The following MGAT5 variants were observed in gnomAD, a reference collection of about 807,000 sequenced individuals.
The protein encoded by MGAT5 is alpha-1,6-mannosylglycoprotein 6-beta-N-acetylglucosaminyltransferase A.
Under a neutral mutation model 94.3 loss-of-function variants are expected in MGAT5, and 30 were observed. The ratio of observed to expected loss-of-function variants is 0.32; its 90% CI spans 0.24 to 0.43. The LOEUF (loss-of-function observed/expected upper bound fraction) is 0.43. Ranked by LOEUF, MGAT5 falls within the 20% of genes least tolerant of loss-of-function variation. The probability of loss-of-function intolerance (pLI) is 1.00; values close to 1 mark genes in which losing one functional copy is unlikely to be tolerated. For synonymous variants in MGAT5, 310 were observed against 322.9 expected, an observed-to-expected ratio of 0.96 and a Z score of 0.43; for missense variants, 691 against 905.5, an observed-to-expected ratio of 0.76 and a Z score of 3.04.
At chr2:134,340,782 G>A (rs886908153) in intron 6 of MGAT5, among the ~76,000 whole-genome samples, 8 of 152,108 alleles carry the variant, frequency 5.3e-5, no homozygotes, top group African/African-American at 1.9e-4. Flanking sequence ...TCTAGCTAGT[G>A]ACCATCCAGG....
intron 1 of MGAT5, among the ~76,000 whole-genome samples, chr2:134,131,188 G>A (rs889247576): frequency 3.7e-4 from 56 of 152,174 alleles, no homozygotes; most frequent in South Asian, 2.1e-3. Flanking sequence ...AAGAGACTCC[G>A]AACATGTCCG....
intron 1 of MGAT5, among the ~76,000 whole-genome samples, chr2:134,243,734 C>G (rs1682088657): frequency 6.6e-6 from 1 of 152,150 alleles, no homozygotes; most frequent in African/African-American, 2.4e-5. Flanking sequence ...TTAGCTAGTT[C>G]ATTTTTTTAA....
At chr2:134,149,290 C>T (rs535040167) in intron 1 of MGAT5, among the ~76,000 whole-genome samples, 1 of 152,262 alleles carries the variant, frequency 6.6e-6, no homozygotes, top group East Asian at 1.9e-4. Context: ...GTGCAATGTA[C>T]AAGATCAGTG....
At chr2:134,428,606 A>G (rs1302257704) in intron 14 of MGAT5, among the ~76,000 whole-genome samples, 167 bp downstream of exon 14, 1 of 152,156 alleles carries the variant, frequency 6.6e-6, no homozygotes, top group Non-Finnish European at 1.5e-5. Flanking sequence ...ACCCAAGAGA[A>G]CCAGTATTCC....
chr2:134,147,246 GT>G, intron 1 of MGAT5, among the ~76,000 whole-genome samples: 1 of 152,326 alleles, frequency 6.6e-6, no homozygotes, highest in East Asian at 1.9e-4. Context: ...ACCCAGTGCT[GT>G]AACGGAAGTC....
At chr2:134,342,231 G>C (rs1293943346) in intron 7 of MGAT5, among the ~76,000 whole-genome samples, 1 of 152,130 alleles carries the variant, frequency 6.6e-6, no homozygotes, top group Admixed American at 6.5e-5. Flanking sequence ...TTTCAGCTGA[G>C]TCTGTTAACT....
Position 134,362,415 on chromosome 2 carries a change from C to G in MGAT5, c.1380+7C>G. ...AGTGGATAGCTTCTGGAAGGTGAGT[C>G]AGTCTGTGCGTGTCTCTCTCTCTGA... On this transcript the variant is annotated splice_region_variant and intron_variant, in intron 10 of 15. Coordinates refer to ENST00000281923, the MANE Select transcript of MGAT5 (RefSeq NM_002410.5). The G allele has an allele frequency of 1.2e-6, 2 of 1,613,694 alleles. No individual in the cohort carries two copies. The highest frequency in any genetic ancestry group is 1.7e-6 in the Non-Finnish European group (2 of 1,179,768).
chr2:134,384,576 A>C (rs891728404), intron 10 of MGAT5, among the ~76,000 whole-genome samples: 1 of 152,254 alleles, frequency 6.6e-6, no homozygotes, highest in African/African-American at 2.4e-5. Flanking sequence ...TTACAATTAC[A>C]CATTTAACTT....
intron 1 of MGAT5, among the ~76,000 whole-genome samples, chr2:134,224,375 A>G (rs896361397): frequency 2.0e-5 from 3 of 152,200 alleles, no homozygotes; most frequent in African/African-American, 4.8e-5. Context: ...ACAGGGAGGG[A>G]GCTTCCTTTT....
At chr2:134,170,029 C>T (rs1234477069) in intron 1 of MGAT5, among the ~76,000 whole-genome samples, 2 of 152,150 alleles carry the variant, frequency 1.3e-5, no homozygotes, top group African/African-American at 2.4e-5. Flanking sequence ...GGACAGTACT[C>T]ATAAGGAAAA....
chr2:134,285,382 A>C lies in MGAT5; in HGVS notation c.406+14832A>C, dbSNP rs188234444. Among the ~76,000 whole-genome samples the C allele has an allele frequency of 1.2e-3, 181 of 152,216 alleles. 2 individuals are homozygous for C. The highest frequency in any genetic ancestry group is 4.1e-3 in the East Asian group (21 of 5,178). On this transcript the variant is annotated intron_variant, in intron 2 of 15. Coordinates refer to ENST00000281923, the MANE Select transcript of MGAT5 (RefSeq NM_002410.5). The stretch of plus-strand genomic sequence containing the variant: ...TTTATTTTTAAATAACTACATAATA[A>C]CTAGGTTCTCAATTTTTGTTTTTCC...
At position 134,151,682 on chromosome 2, in the gene MGAT5, T is replaced by C. The variant is rs1254566334; in HGVS notation, c.-143+31391T>C. Among the ~76,000 whole-genome samples the C allele has an allele frequency of 6.8e-4, 45 of 66,596 alleles. 1 individual carries two copies. Among genetic ancestry groups the C allele is most frequent in the Admixed American group, 1.2e-3 (8 of 6,566 alleles). The allele number at this position is 66,596 out of a possible 152,430, so 43.7% of individuals were successfully genotyped here. A position where few individuals can be genotyped will look rare whatever the true frequency, so the allele number is the denominator to read the frequency against. On this transcript the variant is annotated intron_variant, in intron 1 of 16. Transcript: ENST00000409645. Reference sequence around the variant, plus strand: ...CTCACTCATGCCCTGTGGGACCCACTCACTGCCATGGGACCTCACTCACCC... The same window carrying C: ...CTCACTCATGCCCTGTGGGACCCACCCACTGCCATGGGACCTCACTCACCC...
chr2:134,190,734 T>C (rs1373404743), intron 1 of MGAT5, among the ~76,000 whole-genome samples: 1 of 151,992 alleles, frequency 6.6e-6, no homozygotes, highest in Non-Finnish European at 1.5e-5. Flanking sequence ...AGCCTCAACC[T>C]CCCCAGGCTC....
At chr2:134,189,607 T>TTTTTTTTTTTG (rs1553490423) in intron 1 of MGAT5, among the ~76,000 whole-genome samples, 1 of 80,616 alleles carries the variant, frequency 1.2e-5, no homozygotes, top group African/African-American at 5.6e-5. Context: ...TTTTTGTTTT[T>TTTTTTTTTTTG]TTTTTTTTTT....
chr2:134,254,323 C>G lies in MGAT5; in HGVS notation c.-81C>G. ...GGAGCCAGAGTGAGACCAGCAGACT[C>G]TCACACTCAACCTACACCATGAATT... On this transcript the variant is annotated 5_prime_UTR_variant, in exon 1 of 16. Transcript: ENST00000281923. 1 of 1,543,774 alleles carries G rather than the reference C, an allele frequency of 6.5e-7. No homozygotes were observed. Among genetic ancestry groups the G allele is most frequent in the Non-Finnish European group, 8.8e-7 (1 of 1,138,860 alleles).
chr2:134,208,884 G>A (rs573459513), intron 1 of MGAT5, among the ~76,000 whole-genome samples: 1 of 152,314 alleles, frequency 6.6e-6, no homozygotes, highest in South Asian at 2.1e-4. Context: ...CCCAGCCTCT[G>A]GGGAAAATAA....
chr2:134,422,103 A>G (rs538724905), intron 12 of MGAT5, among the ~76,000 whole-genome samples: 11 of 152,274 alleles, frequency 7.2e-5, no homozygotes, highest in African/African-American at 2.6e-4. Flanking sequence ...TCTTGAGCCC[A>G]GGAGTTTGAG....
At chr2:134,343,399 C>T (rs1688742465) in intron 7 of MGAT5, among the ~76,000 whole-genome samples, 2 of 152,180 alleles carry the variant, frequency 1.3e-5, no homozygotes, top group East Asian at 1.9e-4. Flanking sequence ...TTTTCAGGAA[C>T]CTATTGATGA....
At chr2:134,319,197 T>C (rs1687177262) in intron 4 of MGAT5, among the ~76,000 whole-genome samples, 1 of 152,196 alleles carries the variant, frequency 6.6e-6, no homozygotes, top group Admixed American at 6.5e-5. Flanking sequence ...AATTGATGGA[T>C]CATATGGTAA....
Sources: gnomAD v4.1 joint callset for allele counts (sites outside exome capture counted in the v4.1 genomes callset) on GRCh38, gnomAD v4.1.1 for gene constraint, MANE v1.5 for transcripts, NCBI Gene and HGNC (gene_info 2026-07-23, HGNC 2026-07-21) for gene names.